Variants in SNAP91 observed in about 807,000 individuals in gnomAD.
SNAP91 encodes synaptosome associated protein 91, also known as clathrin coat assembly protein AP180.
A neutral mutation model predicts 100.3 loss-of-function variants in SNAP91; 27 were observed. The ratio of observed to expected loss-of-function variants is 0.27; its 90% CI spans 0.20 to 0.37. The LOEUF is 0.37. SNAP91 is among the 10% of genes least tolerant of loss of function. The probability of loss-of-function intolerance (pLI) is 1.00; values close to 1 mark genes in which losing one functional copy is unlikely to be tolerated. For synonymous variants in SNAP91, 404 were observed against 398.6 expected, an observed-to-expected ratio of 1.01 and a Z score of -0.16; for missense variants, 986 against 1,123.7, an observed-to-expected ratio of 0.88 and a Z score of 1.75.
intron 2 of SNAP91, among the ~76,000 whole-genome samples, chr6:83,679,333 A>AG (rs2098954997): frequency 6.6e-6 from 1 of 152,160 alleles, no homozygotes; most frequent in South Asian, 2.1e-4. Context: ...CTTAATTCCT[A>AG]GGGGAAAAAA....
chr6:83,592,963 G>A lies in SNAP91; in HGVS notation c.1829C>T (p.Thr610Ile). The A allele has an allele frequency of 6.3e-7, 1 of 1,584,120 alleles. No individual in the cohort carries two copies. The highest frequency in any genetic ancestry group is 8.6e-7 in the Non-Finnish European group (1 of 1,164,594). The change falls in exon 20 of 30, where the codon ACT becomes ATT. Residue 610 changes from threonine to isoleucine, a missense_variant. Physicochemically the swap from Thr to Ile is moderately conservative, Grantham distance 89 (BLOSUM62 -1). Around this residue, in one of 4 missense-constraint regions of SNAP91, gnomAD observed 575 missense variants for 579.9 expected, o/e 0.99. Transcript: ENST00000369694. ...GCACTCACCAGATAAGAGGTCAGCA[G>A]TGAGAGAACTCTCAGGCACAGGAGA... ...GASPVPESSL[T>I]ADLLSVDAFA...
intron 2 of SNAP91, among the ~76,000 whole-genome samples, chr6:83,690,922 T>G (rs2099123104): frequency 6.6e-6 from 1 of 152,122 alleles, no homozygotes; most frequent in Non-Finnish European, 1.5e-5. Context: ...CACTATGATG[T>G]AGAAATTGCT....
chr6:83,556,730 C>T (rs1231620168), intron 28 of SNAP91, among the ~76,000 whole-genome samples: 9 of 152,142 alleles, frequency 5.9e-5, no homozygotes, highest in Non-Finnish European at 1.2e-4. Flanking sequence ...ATTAGTACCT[C>T]TAAACTAATA....
intron 26 of SNAP91, among the ~76,000 whole-genome samples, chr6:83,570,776 G>T (rs1432656954): frequency 6.6e-6 from 1 of 152,214 alleles, no homozygotes; most frequent in Admixed American, 6.5e-5. Flanking sequence ...CCTCCACATA[G>T]ATTTCAGAAG....
In SNAP91 at chr6:83,658,983, C is replaced by A. The variant is rs758659139; in HGVS notation, c.546+16G>T. 6.4e-7 allele frequency: 1 copy of A among 1,552,188 alleles called. No homozygotes were observed. The highest frequency in any genetic ancestry group is 8.8e-7 in the Non-Finnish European group (1 of 1,136,402). ...ACATTGATTGTGTATGAAACATTTTCTAGTGAGATACATACATCAAATTCA... is the reference window on the plus strand; with the variant it reads ...ACATTGATTGTGTATGAAACATTTTATAGTGAGATACATACATCAAATTCA... On this transcript the variant is annotated intron_variant, in intron 6 of 29. Coordinates refer to ENST00000369694, the MANE Select transcript of SNAP91 (RefSeq NM_001242792.2).
intron 7 of SNAP91, among the ~76,000 whole-genome samples, chr6:83,651,303 T>C (rs904840992): frequency 2.6e-5 from 4 of 152,178 alleles, no homozygotes; most frequent in Non-Finnish European, 5.9e-5. Context: ...TTGAATAATT[T>C]TCTTTTTCTT....
In SNAP91 at chr6:83,601,424, G is replaced by C; in HGVS notation, c.1171C>G (p.Leu391Val). 1 of 1,613,584 alleles carries C rather than the reference G, an allele frequency of 6.2e-7. No homozygotes were observed. Among genetic ancestry groups the C allele is most frequent in the Non-Finnish European group, 8.5e-7 (1 of 1,179,728 alleles). The change falls in exon 16 of 30, where the codon CTT (leucine) becomes GTT (valine). Residue 391 changes from leucine to valine, a missense_variant. By Grantham distance (32) the Leu-to-Val change is conservative. Coordinates refer to ENST00000369694, the MANE Select transcript of SNAP91 (RefSeq NM_001242792.2). ...DLLGEDSLAA[L>V]SSVPSEAQIS... Reference sequence around the variant, plus strand: ...TGTGCTTCAGAGGGAACAGAGGAAAGTGCAGCCAAAGAATCTATATTTCAC... The same window carrying C: ...TGTGCTTCAGAGGGAACAGAGGAAACTGCAGCCAAAGAATCTATATTTCAC...
At chr6:83,665,214 G>A (rs2098656535) in intron 3 of SNAP91, among the ~76,000 whole-genome samples, 1 of 151,758 alleles carries the variant, frequency 6.6e-6, no homozygotes, top group Admixed American at 6.6e-5. Flanking sequence ...ATATCTCTGA[G>A]GTGTACCTAT....
At chr6:83,601,196 A>C in intron 16 of SNAP91, 75 bp downstream of exon 16, 2 of 1,480,322 alleles carry the variant, frequency 1.4e-6, no homozygotes, top group East Asian at 2.3e-5. Flanking sequence ...ATAACGGAAA[A>C]AATTTTAAAG....
chr6:83,658,535 G>C lies in SNAP91; in HGVS notation c.546+464C>G, dbSNP rs540163152. Among the ~76,000 whole-genome samples, 15 of 152,292 alleles carry C rather than the reference G, an allele frequency of 9.8e-5. 1 individual carries two copies. Among genetic ancestry groups the C allele is most frequent in the Admixed American group, 9.2e-4 (14 of 15,296 alleles). ...GAGGTAGGAGAATGGCGTGAACCCA[G>C]GAGGCAGAGCTTGTGAGCGGAGATC... On this transcript the variant is annotated intron_variant, in intron 6 of 29. Transcript: ENST00000369694.
chr6:83,580,415 A>C (rs1327105874), intron 24 of SNAP91, 35 bp downstream of exon 24: 1 of 1,375,764 alleles, frequency 7.3e-7, no homozygotes, highest in Admixed American at 2.5e-5. Context: ...CATATGCTTC[A>C]GTTAAAGAAA....
intron 8 of SNAP91, among the ~76,000 whole-genome samples, chr6:83,624,551 C>T (rs180918381): frequency 3.9e-5 from 6 of 152,154 alleles, no homozygotes; most frequent in Non-Finnish European, 8.8e-5. Flanking sequence ...CTTCTTTCCT[C>T]TTTCTTCTCT....
intron 2 of SNAP91, among the ~76,000 whole-genome samples, chr6:83,696,073 G>T (rs1373126345): frequency 6.6e-6 from 1 of 151,794 alleles, no homozygotes; most frequent in Admixed American, 6.6e-5. Flanking sequence ...CTCACTCAAG[G>T]GTAGCCAAAA....
At chr6:83,621,922 GATT>G (rs2096744326) in intron 9 of SNAP91, among the ~76,000 whole-genome samples, 1 of 151,912 alleles carries the variant, frequency 6.6e-6, no homozygotes, top group African/African-American at 2.4e-5. Flanking sequence ...TACTTATGTG[GATT>G]ATTTTTTAAA....
At chr6:83,641,245 G>T in intron 7 of SNAP91, 43 bp from the exon 8 acceptor site, 2 of 885,902 alleles carry the variant, frequency 2.3e-6, no homozygotes, top group Non-Finnish European at 3.3e-6. Flanking sequence ...AGAGTATTAT[G>T]TTCTATTTTT....
chr6:83,658,232 A>G (rs1025603029), intron 6 of SNAP91, among the ~76,000 whole-genome samples: 14 of 152,218 alleles, frequency 9.2e-5, no homozygotes, highest in African/African-American at 3.4e-4. Context: ...CACAACCAGG[A>G]TATTGACAAT....
At chr6:83,588,985 A>G (rs2093320118) in intron 22 of SNAP91, among the ~76,000 whole-genome samples, 3 of 152,212 alleles carry the variant, frequency 2.0e-5, no homozygotes, top group Admixed American at 2.0e-4. Context: ...GAAAGAAAGA[A>G]TTCATAGGCT....
chr6:83,593,738 G>A lies in SNAP91; in HGVS notation c.1436C>T (p.Pro479Leu). 1.3e-6 allele frequency: 2 copies of A among 1,559,580 alleles called. No individual in the cohort carries two copies. The highest frequency in any genetic ancestry group is 2.4e-5 in the South Asian group (2 of 83,458). The change falls in exon 18 of 30, where the codon CCC becomes CTC. Residue 479 changes from proline (P) to leucine (L), a missense_variant. Coordinates refer to ENST00000369694, the MANE Select transcript of SNAP91 (RefSeq NM_001242792.2). Reference sequence around the variant, plus strand: ...TGCACTACCTTCAGACGGGGCAAAGGGGTCTTTTGGAAAGGAAAGTGGAGA... The same window carrying A: ...TGCACTACCTTCAGACGGGGCAAAGAGGTCTTTTGGAAAGGAAAGTGGAGA... ...AALDACSGND[P>L]FAPSEGSAEA...
intron 24 of SNAP91, among the ~76,000 whole-genome samples, chr6:83,578,544 A>T (rs1823162625): frequency 1.3e-5 from 2 of 152,206 alleles, no homozygotes; most frequent in Non-Finnish European, 2.9e-5. Context: ...CAAAAGGTCT[A>T]TTCAAATAAA....
Sources: allele counts gnomAD v4.1 joint callset (sites outside exome capture counted in the v4.1 genomes callset), GRCh38; gene constraint gnomAD v4.1.1; regional missense constraint gnomAD v4.1.1; transcripts MANE v1.5; gene names NCBI Gene and HGNC (gene_info 2026-07-23, HGNC 2026-07-21).